The following KIF11 variants were observed in gnomAD, a reference collection of about 807,000 sequenced individuals.
KIF11 encodes kinesin-like protein KIF11.
KIF11 carries 9 observed loss-of-function variants against 121.0 expected under a neutral mutation model. The ratio of observed to expected loss-of-function variants is 0.07; its 90% CI spans 0.04 to 0.13. The LOEUF (loss-of-function observed/expected upper bound fraction) is 0.13. KIF11 is among the 10% of genes least tolerant of loss of function. The pLI is 1.00. For missense variants in KIF11, 846 were observed against 1,217.5 expected (o/e 0.69, Z 4.54); for synonymous variants, 408 against 421.0 (o/e 0.97, Z 0.38).
In KIF11 at chr10:92,651,506, TG is replaced by T. The variant is rs780668396; in HGVS notation, c.3039+990del. On this transcript the variant is annotated intron_variant, in intron 21 of 21. Coordinates refer to ENST00000260731, the MANE Select transcript of KIF11 (RefSeq NM_004523.4). ...ATGTGCCACCATGCCTGGCTAATTT[TG>T]TTTTTTTTTTTTTTTTTTTTTTTTT... Among the ~76,000 whole-genome samples the T allele has an allele frequency of 2.2e-3, 133 of 61,032 alleles. 4 individuals are homozygous for T. The highest frequency in any genetic ancestry group is 6.5e-3 in the Admixed American group (40 of 6,136). 40.0% of individuals were successfully genotyped at this position (61,032 alleles called of 152,430 possible).
At chr10:92,625,270 T>C (rs1844661787) in intron 10 of KIF11, among the ~76,000 whole-genome samples, 1 of 152,196 alleles carries the variant, frequency 6.6e-6, no homozygotes, top group South Asian at 2.1e-4. Flanking sequence ...CTCTAACAAT[T>C]AATGGTGTTA....
At chr10:92,652,406 C>T (rs2135927296) in intron 21 of KIF11, among the ~76,000 whole-genome samples, 1 of 152,262 alleles carries the variant, frequency 6.6e-6, no homozygotes, top group East Asian at 1.9e-4. Flanking sequence ...TCCCAAAGTG[C>T]TGGGATTACA....
At chr10:92,650,091 CCT>C (rs1330027849) in intron 20 of KIF11, 105 bp downstream of exon 20, 1 of 824,022 alleles carries the variant, frequency 1.2e-6, no homozygotes, top group African/African-American at 1.7e-5. Flanking sequence ...TCTTACCCCG[CCT>C]CTCATTAATG....
intron 8 of KIF11, among the ~76,000 whole-genome samples, chr10:92,616,321 C>G (rs760495046): frequency 6.6e-6 from 1 of 151,654 alleles, no homozygotes; most frequent in Non-Finnish European, 1.5e-5. Context: ...CCTTAGACTC[C>G]CAAGTAGGTG....
In KIF11 at chr10:92,645,944, T is replaced by C. The variant is rs79635445; in HGVS notation, c.2547+302T>C. Among the ~76,000 whole-genome samples the C allele has an allele frequency of 3.9e-3, 565 of 143,158 alleles. 4 individuals are homozygous for C. The highest frequency in any genetic ancestry group is 0.014 in the Middle Eastern group (4 of 284). The allele number at this position is 143,158 out of a possible 152,430, so 93.9% of individuals were successfully genotyped here. ...TTTGATATGTAATACCTTCCACTTA[T>C]ATATGCTTTTTTTTTTTTTTTTTTT... On this transcript the variant is annotated intron_variant, in intron 18 of 21. Coordinates refer to ENST00000260731, the MANE Select transcript of KIF11 (RefSeq NM_004523.4).
rs1041401509 is a variant in KIF11, at chr10:92,632,401, A to T, written c.1495-85A>T. 5.5e-6 allele frequency: 5 copies of T among 906,020 alleles called. No individual in the cohort carries two copies. In the African/African-American group the frequency reaches 6.6e-5, roughly 12 times the overall value. 56.1% of individuals were successfully genotyped at this position (906,020 alleles called of 1,614,324 possible). ...CAGGCTGGAAAATTTACTAGTTCTT[A>T]TCAAGATAAATCCTTGTGTAGATAC... On this transcript the variant is annotated intron_variant, in intron 12 of 21. Coordinates refer to ENST00000260731, the MANE Select transcript of KIF11 (RefSeq NM_004523.4).
intron 8 of KIF11, among the ~76,000 whole-genome samples, chr10:92,615,984 C>CA (rs1554860253): frequency 2.4e-4 from 33 of 139,020 alleles, no homozygotes; most frequent in Non-Finnish European, 4.6e-4. Flanking sequence ...GGATTACAGG[C>CA]GCCACCACCA....
At chr10:92,609,738 CT>C (rs1167166775) in intron 6 of KIF11, among the ~76,000 whole-genome samples, 3 of 151,774 alleles carry the variant, frequency 2.0e-5, no homozygotes, top group Non-Finnish European at 2.9e-5. Flanking sequence ...AAGTATTAAA[CT>C]TTTTTTTCTT....
intron 17 of KIF11, among the ~76,000 whole-genome samples, chr10:92,641,628 C>T (rs544560823): frequency 1.3e-5 from 2 of 152,210 alleles, no homozygotes; most frequent in African/African-American, 2.4e-5. Flanking sequence ...ACTTATATTT[C>T]GTTGAGTTTA....
At chr10:92,630,671 C>T (rs1466264925) in intron 12 of KIF11, among the ~76,000 whole-genome samples, 3 of 151,522 alleles carry the variant, frequency 2.0e-5, no homozygotes, top group Admixed American at 1.3e-4. Context: ...TGTTCGAGAC[C>T]AGCCTGACCA....
Position 92,613,012 on chromosome 10 carries a change from G to A in KIF11, c.699-28G>A, listed in dbSNP as rs1179754565. On this transcript the variant is annotated intron_variant, in intron 6 of 21. Coordinates refer to ENST00000260731, the MANE Select transcript of KIF11 (RefSeq NM_004523.4). The surrounding 1 kb of genome is among the most constrained non-coding windows in gnomAD (Gnocchi z 4.2). ...AGCAAATGCTATTTTACATTATAAT[G>A]ACTGGGCAACTTGATATTGTTTTCT... 1 of 1,344,126 alleles carries A rather than the reference G, an allele frequency of 7.4e-7. No homozygotes were observed. The highest frequency in any genetic ancestry group is 1.2e-5 in the South Asian group (1 of 82,642). The allele number at this position is 1,344,126 out of a possible 1,614,324, so 83.3% of individuals were successfully genotyped here.
At chr10:92,601,885 A>G (rs1326829948) in intron 1 of KIF11, among the ~76,000 whole-genome samples, 3 of 151,916 alleles carry the variant, frequency 2.0e-5, no homozygotes, top group Non-Finnish European at 2.9e-5. Context: ...TTGACCATCA[A>G]TTATGTTTGC....
At chr10:92,598,450 A>G (rs769803331) in intron 1 of KIF11, among the ~76,000 whole-genome samples, 9 of 152,218 alleles carry the variant, frequency 5.9e-5, no homozygotes, top group Non-Finnish European at 1.0e-4. Context: ...CCATTGGTCT[A>G]TAAGTCTGTC....
chr10:92,624,539 A>T (rs1844651252), intron 10 of KIF11, among the ~76,000 whole-genome samples: 1 of 151,922 alleles, frequency 6.6e-6, no homozygotes, highest in Admixed American at 6.6e-5. Flanking sequence ...GCACCCAGCC[A>T]TCTTGCTCTT....
intron 12 of KIF11, among the ~76,000 whole-genome samples, chr10:92,630,813 G>T (rs1199480777): frequency 7.4e-6 from 1 of 135,690 alleles, no homozygotes; most frequent in Non-Finnish European, 1.5e-5. Context: ...GTTGCGGTGA[G>T]CCGAAATCAC....
At chr10:92,596,299 G>A (rs970560245) in intron 1 of KIF11, among the ~76,000 whole-genome samples, 4 of 152,212 alleles carry the variant, frequency 2.6e-5, no homozygotes, top group Admixed American at 2.6e-4. Context: ...TACGGAGCCC[G>A]GCCTTGAGTT....
chr10:92,645,250 G>A, intron 17 of KIF11, 113 bp from the exon 18 acceptor site: 2 of 721,066 alleles, frequency 2.8e-6, no homozygotes, highest in Non-Finnish European at 4.5e-6. Context: ...GGGCCCTGGA[G>A]CCAGACTGTC....
intron 17 of KIF11, among the ~76,000 whole-genome samples, chr10:92,643,517 ATTGCT>A (rs1391643553): frequency 6.7e-6 from 1 of 148,738 alleles, no homozygotes; most frequent in Non-Finnish European, 1.5e-5. Context: ...TGTTACTTGA[ATTGCT>A]TTATCTATTT....
At chr10:92,635,684 T>C (rs1014027487) in intron 14 of KIF11, among the ~76,000 whole-genome samples, 1 of 152,190 alleles carries the variant, frequency 6.6e-6, no homozygotes, top group Non-Finnish European at 1.5e-5. Flanking sequence ...GCACATGATA[T>C]TTGAAAAAAG....
Sources: allele counts gnomAD v4.1 joint callset (sites outside exome capture counted in the v4.1 genomes callset), GRCh38; gene constraint gnomAD v4.1.1; non-coding constraint Gnocchi (gnomAD v3.1); transcripts MANE v1.5; gene names NCBI Gene and HGNC (gene_info 2026-07-23, HGNC 2026-07-21).